ZNF516: variants seen among roughly 807,000 people sequenced by gnomAD.
ZNF516 encodes zinc finger protein 516.
Under a neutral mutation model 79.7 loss-of-function variants are expected in ZNF516, and 19 were observed. The ratio of observed to expected loss-of-function variants is 0.24; its 90% CI spans 0.17 to 0.35. The LOEUF (loss-of-function observed/expected upper bound fraction) is 0.35. Among genes scored for constraint, ZNF516 ranks in the 10% least tolerant of loss-of-function variants. The probability of loss-of-function intolerance (pLI) is 1.00; values close to 1 mark genes in which losing one functional copy is unlikely to be tolerated. For synonymous variants in ZNF516, 877 were observed against 739.5 expected (o/e 1.19, Z -3.02); for missense variants, 1,678 against 1,679.5 (o/e 1.00, Z 0.02).
intron 5 of ZNF516, 81 bp from the exon 6 acceptor site, chr18:76,370,676 G>A: frequency 8.2e-7 from 1 of 1,213,416 alleles, no homozygotes; most frequent in Non-Finnish European, 1.1e-6. Context: ...TACAGATTAA[G>A]TACTTCCACA....
chr18:76,370,868 G>C (rs1176624647), intron 5 of ZNF516, among the ~76,000 whole-genome samples: 1 of 152,160 alleles, frequency 6.6e-6, no homozygotes, highest in Non-Finnish European at 1.5e-5. Context: ...CCCTCTTCTT[G>C]CATTACTTAC....
intron 2 of ZNF516, among the ~76,000 whole-genome samples, chr18:76,457,537 C>T (rs1599120647): frequency 6.6e-6 from 1 of 152,252 alleles, no homozygotes. Context: ...TAACAAGATC[C>T]CATCTCTATA....
At position 76,484,495 on chromosome 18, in the gene ZNF516, G is replaced by T. The variant is rs149374563; in HGVS notation, c.-272+10649C>A. ...AACACCGTGCTCTAAAATGGCGGCC[G>T]CCCTAACCCCGCTCGGGCCAAGAAG... On this transcript the variant is annotated intron_variant, in intron 1 of 6. Coordinates refer to ENST00000443185, the MANE Select transcript of ZNF516 (RefSeq NM_014643.4). Among the ~76,000 whole-genome samples the T allele has an allele frequency of 5.5e-3, 834 of 152,208 alleles. 5 individuals are homozygous for T. The highest frequency in any genetic ancestry group is 0.017 in the African/African-American group (705 of 41,506).
intron 3 of ZNF516, among the ~76,000 whole-genome samples, chr18:76,434,161 G>C (rs1226049633): frequency 6.8e-6 from 1 of 147,624 alleles, no homozygotes; most frequent in Non-Finnish European, 1.5e-5. Flanking sequence ...CGGGAACGGG[G>C]TGCAAGAACC....
rs1370163019 is a variant in ZNF516, at chr18:76,493,875, G to A, written c.-272+1269C>T. On this transcript the variant is annotated intron_variant, in intron 1 of 6. Transcript: ENST00000443185. The surrounding 1 kb of genome is among the most constrained non-coding windows in gnomAD (Gnocchi z 5.2). ...ACAATGCAGCAGCAAATGGCTTTTTGTGCATCTGGATTAAATAAAGCACAG... is the reference window on the plus strand; with the variant it reads ...ACAATGCAGCAGCAAATGGCTTTTTATGCATCTGGATTAAATAAAGCACAG... The A allele has an allele frequency of 1.3e-5, 2 of 152,280 alleles. No individual in the cohort carries two copies. The highest frequency in any genetic ancestry group is 3.9e-4 in the East Asian group (2 of 5,188). The allele number at this position is 152,280 out of a possible 1,614,324, so 9.4% of individuals were successfully genotyped here.
chr18:76,438,075 C>T (rs1454840721), intron 3 of ZNF516, among the ~76,000 whole-genome samples: 2 of 152,232 alleles, frequency 1.3e-5, no homozygotes, highest in African/African-American at 4.8e-5. Context: ...TGATATGCAG[C>T]TCAACGGGGC....
chr18:76,366,600 C>T (rs2074616019), intron 6 of ZNF516, among the ~76,000 whole-genome samples: 1 of 152,206 alleles, frequency 6.6e-6, no homozygotes, highest in Non-Finnish European at 1.5e-5. Flanking sequence ...TACCAACTGG[C>T]TTATCAATGA....
intron 1 of ZNF516, chr18:76,491,044 G>A: frequency 6.1e-6 from 6 of 985,198 alleles, no homozygotes; most frequent in Non-Finnish European, 7.2e-6. Flanking sequence ...ATCCGCTCGC[G>A]GGCGCAGGAC....
At chr18:76,402,599 G>A (rs1423010004) in intron 3 of ZNF516, among the ~76,000 whole-genome samples, 1 of 152,214 alleles carries the variant, frequency 6.6e-6, no homozygotes, top group Non-Finnish European at 1.5e-5. Flanking sequence ...TTACACTCGG[G>A]CACTCACGGA....
chr18:76,398,485 C>T lies in ZNF516; in HGVS notation c.1811-18182G>A, dbSNP rs563982169. 3.3e-5 allele frequency among the ~76,000 whole-genome samples: 5 copies of T among 152,238 alleles called. No individual in the cohort carries two copies. The East Asian group carries it at 7.7e-4, about 24-fold the overall frequency. ...ACAAAGGCCGTACATGAAGTCTTAT[C>T]AAGAATGGTGGCGGGGACTGTCGGG... is the stretch of plus-strand genomic sequence containing the variant. On this transcript the variant is annotated intron_variant, in intron 3 of 6. Transcript: ENST00000443185.
In ZNF516 at chr18:76,449,808, A is replaced by C. The variant is rs138182953; in HGVS notation, c.-157-6597T>G. Among the ~76,000 whole-genome samples the C allele has an allele frequency of 6.6e-4, 100 of 152,364 alleles. No individual in the cohort carries two copies. In the East Asian group the frequency reaches 0.015, roughly 24 times the overall value. On this transcript the variant is annotated intron_variant, in intron 2 of 6. Coordinates refer to ENST00000443185, the MANE Select transcript of ZNF516 (RefSeq NM_014643.4). ...GGTTTAATAAATGCAAAAGGACAAAATAGCAGCTAGAAAGCTGGATTCAAA... is the reference window on the plus strand; with the variant it reads ...GGTTTAATAAATGCAAAAGGACAAACTAGCAGCTAGAAAGCTGGATTCAAA...
At chr18:76,381,004 T>A (rs923681048) in intron 3 of ZNF516, among the ~76,000 whole-genome samples, 2 of 152,204 alleles carry the variant, frequency 1.3e-5, no homozygotes, top group African/African-American at 4.8e-5. Context: ...CCAGGAGAAC[T>A]GAGCCCGGGG....
chr18:76,476,353 A>G (rs1276441576), intron 1 of ZNF516, among the ~76,000 whole-genome samples: 1 of 152,242 alleles, frequency 6.6e-6, no homozygotes, highest in Non-Finnish European at 1.5e-5. Context: ...TATACAAGAT[A>G]AACAAAGAGT....
intron 1 of ZNF516, chr18:76,488,170 C>A (rs1424799740): frequency 1.0e-6 from 1 of 985,260 alleles, no homozygotes; most frequent in African/African-American, 1.7e-5. Flanking sequence ...CCTGACACTA[C>A]AATTCACTTG....
In ZNF516 at chr18:76,441,722, CGGCCAGCGCCTCGTCCCA is replaced by C. The variant is rs1568295527; in HGVS notation, c.1315_1332del (p.Trp439_Ala444del). The C allele has an allele frequency of 1.3e-6, 2 of 1,573,366 alleles. No homozygotes were observed. Among genetic ancestry groups the C allele is most frequent in the Non-Finnish European group, 1.7e-6 (2 of 1,164,122 alleles). On this transcript the variant is annotated inframe_deletion, in exon 3 of 7. Coordinates refer to ENST00000443185, the MANE Select transcript of ZNF516 (RefSeq NM_014643.4). ...CTGTCCTTGTCGAAGGCCACGTCCC[CGGCCAGCGCCTCGTCCCA>C]GGCCCCGTACTTGAGGTACTCGGCC...
chr18:76,481,405 G>A (rs1017741080), intron 1 of ZNF516, among the ~76,000 whole-genome samples: 4 of 152,246 alleles, frequency 2.6e-5, no homozygotes, highest in African/African-American at 9.6e-5. Flanking sequence ...AAGAGGAAGG[G>A]TGGAGGGACA....
intron 3 of ZNF516, among the ~76,000 whole-genome samples, chr18:76,398,245 C>T (rs1469159042): frequency 2.6e-5 from 4 of 152,192 alleles, no homozygotes; most frequent in Non-Finnish European, 2.9e-5. Flanking sequence ...CACCTTCCTT[C>T]GTCCCCAGAT....
intron 3 of ZNF516, among the ~76,000 whole-genome samples, chr18:76,433,380 T>G (rs566577760): frequency 6.6e-6 from 1 of 152,152 alleles, no homozygotes; most frequent in African/African-American, 2.4e-5. Context: ...GTCTGGCCCC[T>G]GTCTTCAATG....
chr18:76,420,051 C>A (rs1457089456), intron 3 of ZNF516, among the ~76,000 whole-genome samples: 1 of 152,238 alleles, frequency 6.6e-6, no homozygotes, highest in Non-Finnish European at 1.5e-5. Flanking sequence ...GATCCCATGG[C>A]TCCCACAACA....
Sources: gnomAD v4.1 joint callset for allele counts (sites outside exome capture counted in the v4.1 genomes callset) on GRCh38, gnomAD v4.1.1 for gene constraint, Gnocchi (gnomAD v3.1) non-coding constraint, MANE v1.5 for transcripts, NCBI Gene and HGNC (gene_info 2026-07-23, HGNC 2026-07-21) for gene names.